The following BICC1 variants were observed in gnomAD, a reference collection of about 807,000 sequenced individuals.
The protein encoded by BICC1 is protein bicaudal C homolog 1.
BICC1 carries 43 observed loss-of-function variants against 111.0 expected under a neutral mutation model. The observed-to-expected ratio is 0.39, with a 90% CI of 0.30 to 0.50. The LOEUF (loss-of-function observed/expected upper bound fraction) is 0.50. Among genes scored for constraint, BICC1 ranks in the 20% least tolerant of loss-of-function variants. The probability of loss-of-function intolerance (pLI) is 0.88; values close to 1 mark genes in which losing one functional copy is unlikely to be tolerated. For missense variants in BICC1, 1,091 were observed against 1,203.2 expected (o/e 0.91, Z 1.38); for synonymous variants, 467 against 434.4 (o/e 1.07, Z -0.93).
intron 1 of BICC1, among the ~76,000 whole-genome samples, chr10:58,540,306 A>T (rs979914105): frequency 2.2e-5 from 1 of 45,728 alleles, no homozygotes; most frequent in African/African-American, 4.8e-5. Context: ...AAAAAGAGTA[A>T]AAAAAAAAGG....
chr10:58,548,655 CT>C (rs1843204764), intron 1 of BICC1, among the ~76,000 whole-genome samples: 2 of 152,202 alleles, frequency 1.3e-5, no homozygotes, highest in Non-Finnish European at 2.9e-5. Flanking sequence ...TCCGAAACCC[CT>C]GGCAATGATT....
At chr10:58,599,380 C>T (rs979495812) in intron 1 of BICC1, among the ~76,000 whole-genome samples, 17 of 152,130 alleles carry the variant, frequency 1.1e-4, no homozygotes, top group African/African-American at 3.4e-4. Context: ...AACCATCATT[C>T]TCAACAAACT....
At chr10:58,709,312 A>G (rs1589047528) in intron 3 of BICC1, among the ~76,000 whole-genome samples, 1 of 152,328 alleles carries the variant, frequency 6.6e-6, no homozygotes, top group South Asian at 2.1e-4. Context: ...GAGAACATGC[A>G]GTATTTATCT....
intron 2 of BICC1, among the ~76,000 whole-genome samples, chr10:58,627,029 G>C (rs1316141764): frequency 2.0e-5 from 3 of 152,096 alleles, no homozygotes; most frequent in Non-Finnish European, 2.9e-5. Flanking sequence ...TTGAACCTGG[G>C]AGGCAGAGGT....
chr10:58,709,258 C>G (rs1305033183), intron 3 of BICC1, among the ~76,000 whole-genome samples: 1 of 152,196 alleles, frequency 6.6e-6, no homozygotes, highest in African/African-American at 2.4e-5. Flanking sequence ...TTGTTCTGTT[C>G]TCTACTTCTG....
At chr10:58,703,710 T>A (rs945161874) in intron 3 of BICC1, among the ~76,000 whole-genome samples, 6 of 152,212 alleles carry the variant, frequency 3.9e-5, no homozygotes, top group Admixed American at 1.3e-4. Context: ...TTGCAGCATT[T>A]AAAAATTTCT....
At chr10:58,543,365 GA>G in intron 1 of BICC1, among the ~76,000 whole-genome samples, 1 of 152,144 alleles carries the variant, frequency 6.6e-6, no homozygotes, top group Non-Finnish European at 1.5e-5. Flanking sequence ...TAGGGATGAA[GA>G]AAGGGAGAGT....
At chr10:58,742,302 T>C (rs1002668514) in intron 3 of BICC1, among the ~76,000 whole-genome samples, 3 of 152,186 alleles carry the variant, frequency 2.0e-5, no homozygotes, top group African/African-American at 4.8e-5. Flanking sequence ...AGAAGTATAC[T>C]GTCTAGCTCT....
rs142194673 is a variant in BICC1, at chr10:58,658,748, C to A, written c.237+37847C>A. On this transcript the variant is annotated intron_variant, in intron 2 of 20. Transcript: ENST00000373886. ...GCCAGTAGGAGACCTTTCAGGTTGGCTTCTGTGTCCTTTTGACATGCTCCC... is the reference window on the plus strand; with the variant it reads ...GCCAGTAGGAGACCTTTCAGGTTGGATTCTGTGTCCTTTTGACATGCTCCC... Among the ~76,000 whole-genome samples the A allele has an allele frequency of 9.9e-5, 15 of 152,186 alleles. No individual in the cohort carries two copies. The East Asian group carries it at 2.9e-3, about 29-fold the overall frequency.
At chr10:58,750,249 G>A (rs916977380) in intron 3 of BICC1, among the ~76,000 whole-genome samples, 4 of 152,102 alleles carry the variant, frequency 2.6e-5, no homozygotes, top group Non-Finnish European at 5.9e-5. Flanking sequence ...TCTACTGTGT[G>A]GACCCATGAT....
At chr10:58,622,634 A>T (rs1390715640) in intron 2 of BICC1, among the ~76,000 whole-genome samples, 1 of 152,202 alleles carries the variant, frequency 6.6e-6, no homozygotes, top group Non-Finnish European at 1.5e-5. Context: ...TCTTTTCCAT[A>T]GATAGGTGTC....
chr10:58,718,728 T>C (rs1213166844), intron 3 of BICC1, among the ~76,000 whole-genome samples: 1 of 147,834 alleles, frequency 6.8e-6, no homozygotes, highest in Non-Finnish European at 1.5e-5. Context: ...GTCCTCAATA[T>C]TAATAGCATG....
At chr10:58,739,817 A>C (rs1412171212) in intron 3 of BICC1, among the ~76,000 whole-genome samples, 1 of 152,164 alleles carries the variant, frequency 6.6e-6, no homozygotes, top group African/African-American at 2.4e-5. Flanking sequence ...ATCACTTATC[A>C]GTTTGGGAAA....
intron 3 of BICC1, among the ~76,000 whole-genome samples, chr10:58,724,937 C>T (rs910122461): frequency 6.6e-6 from 1 of 152,176 alleles, no homozygotes; most frequent in Admixed American, 6.5e-5. Flanking sequence ...TCGTGGCTGT[C>T]TATTCCCTCC....
chr10:58,818,581 A>G (rs972491042), intron 19 of BICC1, among the ~76,000 whole-genome samples: 1 of 152,122 alleles, frequency 6.6e-6, no homozygotes, highest in African/African-American at 2.4e-5. Context: ...CATAAATTCA[A>G]TGTACTGCCC....
intron 1 of BICC1, among the ~76,000 whole-genome samples, chr10:58,522,363 C>T (rs553067912): frequency 6.6e-6 from 1 of 152,214 alleles, no homozygotes; most frequent in South Asian, 2.1e-4. Context: ...GTCTCTCAGA[C>T]CACAGTGCAA....
intron 2 of BICC1, among the ~76,000 whole-genome samples, chr10:58,626,175 A>G (rs1408085354): frequency 6.6e-6 from 1 of 152,232 alleles, no homozygotes; most frequent in Non-Finnish European, 1.5e-5. Context: ...GTTCACTGAG[A>G]AAGCTGTGCA....
At chr10:58,723,035 T>G (rs1261413353) in intron 3 of BICC1, among the ~76,000 whole-genome samples, 1 of 152,240 alleles carries the variant, frequency 6.6e-6, no homozygotes, top group African/African-American at 2.4e-5. Context: ...AATAACTGAT[T>G]TCAATTTCTG....
At chr10:58,713,504 A>G (rs1840642371) in intron 3 of BICC1, among the ~76,000 whole-genome samples, 1 of 152,228 alleles carries the variant, frequency 6.6e-6, no homozygotes, top group Non-Finnish European at 1.5e-5. Context: ...TATATTAATA[A>G]CTAATGTGAA....
Sources: gnomAD v4.1 joint callset for allele counts (sites outside exome capture counted in the v4.1 genomes callset) on GRCh38, gnomAD v4.1.1 for gene constraint, MANE v1.5 for transcripts, NCBI Gene and HGNC (gene_info 2026-07-23, HGNC 2026-07-21) for gene names.